Variants in GNG12 observed in about 807,000 individuals in gnomAD.
GNG12 encodes G protein subunit gamma 12.
For synonymous variants in GNG12, 28 were observed against 29.7 expected (o/e 0.94, Z 0.19); for missense variants, 69 against 83.8 (o/e 0.82, Z 0.69).
rs1646377433 is a variant in GNG12, at chr1:67,724,881, T to G, written c.-26-17169A>C. Among the ~76,000 whole-genome samples, 5 of 152,272 alleles carry G rather than the reference T, an allele frequency of 3.3e-5. No homozygotes were observed. The South Asian group carries it at 1.0e-3, about 32-fold the overall frequency. Reference sequence around the variant, plus strand: ...TCTACTTTTATATATGTTTGAAAATTAAAAAAATTAAAAGTCTATAGTCCT... The same window carrying G: ...TCTACTTTTATATATGTTTGAAAATGAAAAAAATTAAAAGTCTATAGTCCT... On this transcript the variant is annotated intron_variant, in intron 2 of 3. Transcript: ENST00000370982.
chr1:67,794,339 G>A (rs1646817568), intron 1 of GNG12, among the ~76,000 whole-genome samples: 1 of 152,250 alleles, frequency 6.6e-6, no homozygotes, highest in East Asian at 1.9e-4. Flanking sequence ...TGAGGCCTGA[G>A]GGGAGATGAC....
chr1:67,824,218 GA>G (rs1285263709), intron 1 of GNG12, among the ~76,000 whole-genome samples: 1 of 152,080 alleles, frequency 6.6e-6, no homozygotes, highest in Admixed American at 6.6e-5. Context: ...GCTATTTAAA[GA>G]AATCCTGGGG....
At chr1:67,725,320 C>T (rs1646379480) in intron 2 of GNG12, among the ~76,000 whole-genome samples, 1 of 152,186 alleles carries the variant, frequency 6.6e-6, no homozygotes. Context: ...TCTCCCATAA[C>T]ACGCTAGCAA....
intron 2 of GNG12, among the ~76,000 whole-genome samples, chr1:67,745,065 T>G (rs1646500874): frequency 6.6e-6 from 1 of 152,252 alleles, no homozygotes; most frequent in African/African-American, 2.4e-5. Context: ...GAGGAATGAA[T>G]GTATTAGTAT....
intron 2 of GNG12, among the ~76,000 whole-genome samples, chr1:67,746,830 G>C (rs1346423641): frequency 6.6e-6 from 1 of 152,168 alleles, no homozygotes; most frequent in Non-Finnish European, 1.5e-5. Flanking sequence ...AAGGTGAAAA[G>C]AGACAACAGA....
At chr1:67,709,784 C>T (rs1646270551) in intron 2 of GNG12, among the ~76,000 whole-genome samples, 1 of 140,308 alleles carries the variant, frequency 7.1e-6, no homozygotes, top group Non-Finnish European at 1.5e-5. Flanking sequence ...GAACAGTGTG[C>T]AGTGCTCTGA....
chr1:67,704,745 T>C lies in GNG12; in HGVS notation c.*706A>G, dbSNP rs1646236291. Reference sequence around the variant, plus strand: ...CAGTTTAGTTTGGTACAGTTTATTGTAGCCTAAGAGGTCCAGCAAGATTTC... The same window carrying C: ...CAGTTTAGTTTGGTACAGTTTATTGCAGCCTAAGAGGTCCAGCAAGATTTC... On this transcript the variant is annotated 3_prime_UTR_variant, in exon 4 of 4. Transcript: ENST00000370982. 6.6e-6 allele frequency: 1 copy of C among 152,670 alleles called. No individual in the cohort carries two copies. Among genetic ancestry groups the C allele is most frequent in the South Asian group, 2.1e-4 (1 of 4,832 alleles). The allele number at this position is 152,670 out of a possible 1,614,324, so 9.5% of individuals were successfully genotyped here.
At chr1:67,736,518 C>T (rs894440580) in intron 2 of GNG12, among the ~76,000 whole-genome samples, 2 of 152,150 alleles carry the variant, frequency 1.3e-5, no homozygotes, top group Non-Finnish European at 2.9e-5. Flanking sequence ...GGGCCACGGC[C>T]CAGCTGCACT....
In GNG12 at chr1:67,820,341, C is replaced by T. The variant is rs115898588; in HGVS notation, c.-77+13003G>A. Among the ~76,000 whole-genome samples, 999 of 149,702 alleles carry T rather than the reference C, an allele frequency of 6.7e-3. 18 individuals are homozygous for T. Among genetic ancestry groups the T allele is most frequent in the African/African-American group, 0.024 (961 of 40,470 alleles). On this transcript the variant is annotated intron_variant, in intron 1 of 3. Coordinates refer to ENST00000370982, the MANE Select transcript of GNG12 (RefSeq NM_018841.6). The stretch of plus-strand genomic sequence containing the variant: ...ATGGCGGAGGTTGCCAAGATTGTGC[C>T]ATTATACTCCAGCCTGGATGACAGA...
intron 1 of GNG12, among the ~76,000 whole-genome samples, chr1:67,790,531 CCT>C (rs1646795795): frequency 6.6e-6 from 1 of 152,170 alleles, no homozygotes; most frequent in Non-Finnish European, 1.5e-5. Context: ...CCTCAGATCC[CCT>C]GTTGGTGATG....
At position 67,705,201 on chromosome 1, in the gene GNG12, A is replaced by G. The variant is rs1249800031; in HGVS notation, c.*250T>C. The G allele has an allele frequency of 8.8e-6, 3 of 339,040 alleles. No individual in the cohort carries two copies. Among genetic ancestry groups the G allele is most frequent in the Non-Finnish European group, 1.5e-5 (3 of 203,358 alleles). 21.0% of individuals were successfully genotyped at this position (339,040 alleles called of 1,614,324 possible). ...AAAAAGGCCCAGATCAACTTTCCTT[A>G]AACAGTAACCCAACATAAAGCCATA... On this transcript the variant is annotated 3_prime_UTR_variant, in exon 4 of 4. Coordinates refer to ENST00000370982, the MANE Select transcript of GNG12 (RefSeq NM_018841.6).
intron 2 of GNG12, among the ~76,000 whole-genome samples, chr1:67,745,852 T>C (rs953258238): frequency 6.6e-6 from 1 of 152,260 alleles, no homozygotes; most frequent in Non-Finnish European, 1.5e-5. Context: ...TCCATCCCCC[T>C]AGAAGCTAAG....
chr1:67,718,092 C>G (rs560748586), intron 2 of GNG12, among the ~76,000 whole-genome samples: 1 of 152,270 alleles, frequency 6.6e-6, no homozygotes, highest in South Asian at 2.1e-4. Context: ...TATGACCAAC[C>G]CACTTCACAT....
intron 1 of GNG12, among the ~76,000 whole-genome samples, chr1:67,825,560 G>A (rs1647006482): frequency 6.6e-6 from 1 of 152,104 alleles, no homozygotes; most frequent in South Asian, 2.1e-4. Context: ...GGTACTAAGG[G>A]GAACACAGAC....
At chr1:67,733,077 A>G (rs1646430263) in intron 2 of GNG12, among the ~76,000 whole-genome samples, 1 of 152,208 alleles carries the variant, frequency 6.6e-6, no homozygotes, top group Non-Finnish European at 1.5e-5. Context: ...TGCACAGCCC[A>G]GTTTAGTGTG....
At chr1:67,810,016 A>AAATGTCC (rs1335349670) in intron 1 of GNG12, among the ~76,000 whole-genome samples, 2 of 152,216 alleles carry the variant, frequency 1.3e-5, no homozygotes, top group Non-Finnish European at 2.9e-5. Flanking sequence ...AAAGAAACCA[A>AAATGTCC]AATGTCCTTT....
intron 1 of GNG12, among the ~76,000 whole-genome samples, chr1:67,809,693 G>A (rs1056070969): frequency 2.6e-5 from 4 of 151,944 alleles, no homozygotes; most frequent in African/African-American, 7.3e-5. Context: ...TCAATATTAC[G>A]TCACTGGGGA....
chr1:67,773,064 T>C (rs1026628263), intron 2 of GNG12, among the ~76,000 whole-genome samples: 1 of 152,188 alleles, frequency 6.6e-6, no homozygotes, highest in African/African-American at 2.4e-5. Flanking sequence ...ATCCTAATCA[T>C]ATAAGTCAAG....
At chr1:67,771,370 T>A (rs532530094) in intron 2 of GNG12, among the ~76,000 whole-genome samples, 1 of 152,342 alleles carries the variant, frequency 6.6e-6, no homozygotes, top group African/African-American at 2.4e-5. Context: ...TCAGAGAAGT[T>A]AGGCAACTTG....
Sources: allele counts gnomAD v4.1 joint callset (sites outside exome capture counted in the v4.1 genomes callset), GRCh38; gene constraint gnomAD v4.1.1; transcripts MANE v1.5; gene names NCBI Gene and HGNC (gene_info 2026-07-23, HGNC 2026-07-21).